Variants in ZNF469 observed in about 807,000 individuals in gnomAD.
ZNF469 encodes the protein zinc finger protein 469.
ZNF469 carries 1 observed loss-of-function variant against 1.0 expected under a neutral mutation model. The ratio of observed to expected loss-of-function variants is 1.00; its 90% CI spans 0.35 to 4.73. The LOEUF (loss-of-function observed/expected upper bound fraction) is 4.73. ZNF469 is among the 30% of genes most tolerant of loss of function. The probability of loss-of-function intolerance (pLI) is 0.16; values close to 1 mark genes in which losing one functional copy is unlikely to be tolerated. For synonymous variants in ZNF469, 2,703 were observed against 2,363.4 expected (o/e 1.14, Z -4.17); for missense variants, 6,100 against 5,356.3 (o/e 1.14, Z -4.33).
At chr16:88,239,709 ATATATATTTTTTTTTTTTTTT>A in the ZNF469 span, among the ~76,000 whole-genome samples, 1 of 4,964 alleles carries the variant, frequency 2.0e-4, no homozygotes, top group Non-Finnish European at 3.1e-4. Flanking sequence ...ATATATATAT[ATATATATTTTTTTTTTTTTTT>A]TTTTTTTTTT....
the ZNF469 span, among the ~76,000 whole-genome samples, chr16:88,143,728 A>ACG: frequency 2.0e-5 from 3 of 152,226 alleles, no homozygotes; most frequent in Non-Finnish European, 4.4e-5. Flanking sequence ...AATTAAGGGA[A>ACG]CGTTGTGAAC....
At chr16:88,200,574 A>G in the ZNF469 span, among the ~76,000 whole-genome samples, 1 of 152,188 alleles carries the variant, frequency 6.6e-6, no homozygotes, top group Non-Finnish European at 1.5e-5. Context: ...ATCGGCCCTC[A>G]CCCTGCTCCG....
At chr16:88,112,036 C>G in the ZNF469 span, among the ~76,000 whole-genome samples, 2 of 152,192 alleles carry the variant, frequency 1.3e-5, no homozygotes. Flanking sequence ...TTTTTTGTGG[C>G]TGAATAGTAC....
Position 88,438,654 on chromosome 16 carries a change from C to A in ZNF469, c.11184C>A (p.Pro3728=). The change falls in exon 3 of 3, where the codon CCC becomes CCA. Residue 3728 remains proline, a synonymous_variant. Transcript: ENST00000565624. ...AGCCCGCCACCCCCAAAGCCAAACC[C>A]GGCCCCAGCTCCCAGGGCAGTGGAA... ...GMKPATPKAK[P]GPSSQGSGSP... The A allele has an allele frequency of 6.5e-7, 1 of 1,550,078 alleles. No individual in the cohort carries two copies. The highest frequency in any genetic ancestry group is 8.7e-7 in the Non-Finnish European group (1 of 1,146,888).
chr16:88,274,889 C>G, the ZNF469 span, among the ~76,000 whole-genome samples: 3 of 152,220 alleles, frequency 2.0e-5, no homozygotes, highest in Non-Finnish European at 4.4e-5. Flanking sequence ...GCTTATGGGG[C>G]AGCACTGGCC....
chr16:88,402,308 T>C (rs2142275647), intron 1 of ZNF469, among the ~76,000 whole-genome samples: 1 of 152,198 alleles, frequency 6.6e-6, no homozygotes, highest in South Asian at 2.1e-4. Flanking sequence ...GAGTGTCCCA[T>C]CTAGTGCAGG....
At chr16:88,111,118 G>A in the ZNF469 span, among the ~76,000 whole-genome samples, 1 of 152,194 alleles carries the variant, frequency 6.6e-6, no homozygotes, top group Non-Finnish European at 1.5e-5. Context: ...GGCCCCTCCC[G>A]CACCGCCCCA....
At chr16:88,289,459 A>C in the ZNF469 span, among the ~76,000 whole-genome samples, 1 of 151,216 alleles carries the variant, frequency 6.6e-6, no homozygotes, top group African/African-American at 2.4e-5. Flanking sequence ...ATGATGATTA[A>C]AATAACACAA....
At chr16:88,158,631 C>A in the ZNF469 span, among the ~76,000 whole-genome samples, 40 of 152,292 alleles carry the variant, frequency 2.6e-4, no homozygotes, top group African/African-American at 9.1e-4. Flanking sequence ...AGGAGAGGAC[C>A]GTGAGCCTGG....
the ZNF469 span, among the ~76,000 whole-genome samples, chr16:88,287,393 G>A: frequency 6.6e-6 from 1 of 152,238 alleles, no homozygotes; most frequent in Non-Finnish European, 1.5e-5. Flanking sequence ...ATTGTAGACA[G>A]TGGTTGTGTA....
chr16:88,263,459 G>A, the ZNF469 span, among the ~76,000 whole-genome samples: 1 of 152,210 alleles, frequency 6.6e-6, no homozygotes, highest in Non-Finnish European at 1.5e-5. Context: ...TCACCCAGCA[G>A]GGAGATGTTC....
chr16:88,293,999 T>C, the ZNF469 span, among the ~76,000 whole-genome samples: 1 of 152,232 alleles, frequency 6.6e-6, no homozygotes, highest in East Asian at 1.9e-4. Context: ...CTGTGTGCTC[T>C]CTGCCCAGCT....
chr16:88,300,678 G>A, the ZNF469 span, among the ~76,000 whole-genome samples: 4 of 152,212 alleles, frequency 2.6e-5, no homozygotes, highest in East Asian at 1.9e-4. Context: ...TGAGTGGGCC[G>A]CCTTCTTCAC....
chr16:88,351,015 C>T, the ZNF469 span, among the ~76,000 whole-genome samples: 944 of 152,364 alleles, frequency 6.2e-3, 7 homozygotes, highest in Middle Eastern at 0.01. Context: ...CCTGTTGCAG[C>T]AGCAAGGCGA....
the ZNF469 span, among the ~76,000 whole-genome samples, chr16:88,309,377 C>A: frequency 6.8e-6 from 1 of 147,170 alleles, no homozygotes; most frequent in Non-Finnish European, 1.5e-5. Context: ...CCTCTGAGGT[C>A]CCCTGTCAGT....
the ZNF469 span, among the ~76,000 whole-genome samples, chr16:88,196,397 A>T: frequency 6.6e-6 from 1 of 152,138 alleles, no homozygotes; most frequent in African/African-American, 2.4e-5. Flanking sequence ...ATCGGGGGGA[A>T]ATTTGGGTTT....
the ZNF469 span, among the ~76,000 whole-genome samples, chr16:88,185,652 A>G: frequency 6.6e-6 from 1 of 150,754 alleles, no homozygotes; most frequent in Admixed American, 6.6e-5. Context: ...ATGTGAATAT[A>G]GTATATGCAC....
the ZNF469 span, among the ~76,000 whole-genome samples, chr16:88,113,069 C>T: frequency 4.5e-4 from 69 of 152,040 alleles, no homozygotes; most frequent in East Asian, 1.2e-3. Flanking sequence ...TGAGCCACCG[C>T]GCCTGGCCTG....
chr16:88,337,608 G>A, the ZNF469 span, among the ~76,000 whole-genome samples: 1 of 152,212 alleles, frequency 6.6e-6, no homozygotes, highest in Non-Finnish European at 1.5e-5. Flanking sequence ...GTGCCAGGCT[G>A]CTCCTCATTT....
Sources: allele counts gnomAD v4.1 joint callset (sites outside exome capture counted in the v4.1 genomes callset), GRCh38; gene constraint gnomAD v4.1.1; transcripts MANE v1.5; gene names NCBI Gene and HGNC (gene_info 2026-07-23, HGNC 2026-07-21).